The following FLYWCH1 variants were observed in gnomAD, a reference collection of about 807,000 sequenced individuals.
FLYWCH1 encodes the protein FLYWCH-type zinc finger-containing protein 1.
FLYWCH1 carries 75 observed loss-of-function variants against 66.4 expected under a neutral mutation model. The observed-to-expected ratio is 1.13, with a 90% CI of 0.94 to 1.37. The LOEUF is 1.37. FLYWCH1 is among the 40% of genes most tolerant of loss of function. FLYWCH1 has a pLI of 0.00. For synonymous variants in FLYWCH1, 595 were observed against 429.9 expected (o/e 1.38, Z -4.75); for missense variants, 1,334 against 1,001.8 (o/e 1.33, Z -4.48).
intron 9 of FLYWCH1, among the ~76,000 whole-genome samples, chr16:2,940,974 T>TA (rs2071238637): frequency 6.6e-6 from 1 of 152,092 alleles, no homozygotes; most frequent in Non-Finnish European, 1.5e-5. Context: ...CTACTAAAAA[T>TA]ACAAAAATTA....
intron 2 of FLYWCH1, among the ~76,000 whole-genome samples, chr16:2,927,078 G>C (rs1432567291): frequency 1.3e-5 from 2 of 152,200 alleles, no homozygotes; most frequent in Non-Finnish European, 2.9e-5. Context: ...GCTGCCTCCA[G>C]AGGTCCAATA....
chr16:2,936,299 T>A (rs1287018657), intron 6 of FLYWCH1: 1 of 424,700 alleles, frequency 2.4e-6, no homozygotes, highest in Non-Finnish European at 4.7e-6. Context: ...GTCCCCACCT[T>A]CGTCCTGACC....
chr16:2,914,411 T>G (rs989357416), intron 2 of FLYWCH1, 122 bp downstream of exon 2: 2 of 152,228 alleles, frequency 1.3e-5, no homozygotes, highest in Non-Finnish European at 2.9e-5. Context: ...GACCCTTAGG[T>G]CTACGCTGAG....
chr16:2,930,852 G>T lies in FLYWCH1; in HGVS notation c.768G>T (p.Pro256=), dbSNP rs780502364. ...APRALSLLSL[P]PKKRSILGLG... The stretch of plus-strand genomic sequence containing the variant: ...GAGCCCTGTCACTGCTGAGCCTGCC[G>T]CCCAAGAAGCGCTCGATCCTGGGGC... The change falls in exon 4 of 10, where the codon CCG becomes CCT. Residue 256 remains proline (P), a synonymous_variant. Coordinates refer to ENST00000253928, the MANE Select transcript of FLYWCH1 (RefSeq NM_001308068.2). 1 of 1,600,692 alleles carries T rather than the reference G, an allele frequency of 6.2e-7. No individual in the cohort carries two copies. Among genetic ancestry groups the T allele is most frequent in the Non-Finnish European group, 8.5e-7 (1 of 1,177,360 alleles).
intron 2 of FLYWCH1, among the ~76,000 whole-genome samples, chr16:2,925,113 G>C (rs1469271492): frequency 6.6e-6 from 1 of 152,236 alleles, no homozygotes; most frequent in African/African-American, 2.4e-5. Flanking sequence ...CAGTGTGCGA[G>C]TCACTGTGCC....
rs201356969 is a variant in FLYWCH1 at position 2,930,746 on chromosome 16, C to G, written c.662C>G (p.Pro221Arg). The G allele has an allele frequency of 1.3e-6, 2 of 1,560,474 alleles. No individual in the cohort carries two copies. Among genetic ancestry groups the G allele is most frequent in the Non-Finnish European group, 1.7e-6 (2 of 1,157,900 alleles). Reference sequence around the variant, plus strand: ...GAGGAGCCCCTGGAGGGGGTGGGCCCGTGGCAGTGCCCTGAGGAGCCCGAG... The same window carrying G: ...GAGGAGCCCCTGGAGGGGGTGGGCCGGTGGCAGTGCCCTGAGGAGCCCGAG... ...RVEEPLEGVG[P>R]WQCPEEPEPT... Residue 221 changes from proline to arginine, a missense_variant, in exon 4 of 10, where the codon CCG becomes CGG. Pro to Arg is a moderately radical substitution (Grantham distance 103, BLOSUM62 -2). Coordinates refer to ENST00000253928, the MANE Select transcript of FLYWCH1 (RefSeq NM_001308068.2).
At chr16:2,929,529 C>T (rs1244542157) in intron 2 of FLYWCH1, 84 bp from the exon 3 acceptor site, 3 of 942,402 alleles carry the variant, frequency 3.2e-6, no homozygotes, top group East Asian at 2.6e-5. Flanking sequence ...GAGGCAGCCC[C>T]ATCTGCCCCA....
intron 4 of FLYWCH1, among the ~76,000 whole-genome samples, chr16:2,932,772 C>A (rs971733658): frequency 1.3e-5 from 2 of 152,082 alleles, no homozygotes; most frequent in African/African-American, 4.8e-5. Context: ...GAGTCTGAGT[C>A]CAGGTTGGCC....
intron 2 of FLYWCH1, chr16:2,923,092 G>C: frequency 2.4e-6 from 1 of 417,148 alleles, no homozygotes; most frequent in Non-Finnish European, 4.6e-6. Context: ...AGTTTGTTTT[G>C]TGTGTGTGGC....
rs1250979349 is a variant in FLYWCH1 at position 2,949,443 on chromosome 16, G to A, written c.*716G>A. ...CCAGGGGTCAGCAGGAGCCAGCGCT[G>A]GGCACACGTGCCCTGGCTGAGGCCA... On this transcript the variant is annotated 3_prime_UTR_variant, in exon 10 of 10. Transcript: ENST00000253928. The A allele has an allele frequency of 6.6e-6, 1 of 152,316 alleles. No homozygotes were observed. Among genetic ancestry groups the A allele is most frequent in the Non-Finnish European group, 1.5e-5 (1 of 68,194 alleles). 9.4% of individuals were successfully genotyped at this position (152,316 alleles called of 1,614,324 possible).
chr16:2,942,040 GAAAT>G (rs895747174), intron 9 of FLYWCH1, among the ~76,000 whole-genome samples: 1 of 142,530 alleles, frequency 7.0e-6, no homozygotes, highest in Non-Finnish European at 1.5e-5. Context: ...CAGAAGGAAG[GAAAT>G]AAATAATAAA....
At chr16:2,925,659 G>C (rs1029020323) in intron 2 of FLYWCH1, among the ~76,000 whole-genome samples, 1 of 152,012 alleles carries the variant, frequency 6.6e-6, no homozygotes, top group African/African-American at 2.4e-5. Context: ...GAAGTCAGCT[G>C]GGGTTGCCCC....
At chr16:2,919,996 A>G (rs1021283497) in intron 2 of FLYWCH1, among the ~76,000 whole-genome samples, 5 of 152,170 alleles carry the variant, frequency 3.3e-5, no homozygotes, top group African/African-American at 1.2e-4. Flanking sequence ...AGTAGCAGAC[A>G]TGATTGAACG....
chr16:2,938,277 G>C lies in FLYWCH1; in HGVS notation c.1871G>C (p.Gly624Ala), dbSNP rs1018752759. ...CTCTACAGGAAGGAGAAGGCGGCTG[G>C]GGAGAAGGTGTACTGGATGTGCCGG... ...SFLYRKEKAA[G>A]EKVYWMCRDQ... The change falls in exon 8 of 10, where the codon GGG becomes GCG. Residue 624 changes from glycine (G) to alanine (A), a missense_variant. Physicochemically the swap from Gly to Ala is moderately conservative, Grantham distance 60. Coordinates refer to ENST00000253928, the MANE Select transcript of FLYWCH1 (RefSeq NM_001308068.2). 1 of 1,612,894 alleles carries C rather than the reference G, an allele frequency of 6.2e-7. No individual in the cohort carries two copies. Among genetic ancestry groups the C allele is most frequent in the East Asian group, 2.2e-5 (1 of 44,864 alleles).
Position 2,930,447 on chromosome 16 carries a change from C to G in FLYWCH1, c.363C>G (p.Phe121Leu). ...PQSLEFLRTP[F>L]GGRLLVLESF... ...CCCTGGAGTTCCTGAGGACACCATT[C>G]GGGGGCCGCCTCCTGGTGCTGGAGT... Residue 121 changes from phenylalanine to leucine, a missense_variant, in exon 4 of 10, where the codon TTC (phenylalanine) becomes TTG (leucine). Physicochemically the swap from Phe to Leu is conservative, Grantham distance 22. Coordinates refer to ENST00000253928, the MANE Select transcript of FLYWCH1 (RefSeq NM_001308068.2). The G allele has an allele frequency of 6.7e-7, 1 of 1,490,884 alleles. No homozygotes were observed. Among genetic ancestry groups the G allele is most frequent in the Non-Finnish European group, 8.9e-7 (1 of 1,122,104 alleles). The allele number at this position is 1,490,884 out of a possible 1,614,324, so 92.4% of individuals were successfully genotyped here. A position where few individuals can be genotyped will look rare whatever the true frequency, so the allele number is the denominator to read the frequency against.
chr16:2,930,822 A>T lies in FLYWCH1; in HGVS notation c.738A>T (p.Ala246=). ...LSKPALEEEE[A]PRALSLLSLP... ...AGCCGGCCCTGGAGGAGGAGGAGGCACCCCGAGCCCTGTCACTGCTGAGCC... is the reference window on the plus strand; with the variant it reads ...AGCCGGCCCTGGAGGAGGAGGAGGCTCCCCGAGCCCTGTCACTGCTGAGCC... The change falls in exon 4 of 10, where the codon GCA becomes GCT. Residue 246 remains alanine, a synonymous_variant. Coordinates refer to ENST00000253928, the MANE Select transcript of FLYWCH1 (RefSeq NM_001308068.2). 6.2e-7 allele frequency: 1 copy of T among 1,601,794 alleles called. No individual in the cohort carries two copies. Among genetic ancestry groups the T allele is most frequent in the Non-Finnish European group, 8.5e-7 (1 of 1,177,770 alleles).
intron 8 of FLYWCH1, among the ~76,000 whole-genome samples, chr16:2,939,304 A>T (rs894438992): frequency 1.3e-5 from 2 of 151,970 alleles, no homozygotes; most frequent in African/African-American, 4.8e-5. Flanking sequence ...AATTAGCTGG[A>T]CATGGTGACG....
intron 2 of FLYWCH1, among the ~76,000 whole-genome samples, chr16:2,917,869 C>A (rs930816655): frequency 1.4e-5 from 2 of 147,706 alleles, no homozygotes; most frequent in African/African-American, 2.5e-5. Flanking sequence ...TGGAGTCTCA[C>A]TGTTGCCCAG....
chr16:2,918,369 G>C (rs916998309), intron 2 of FLYWCH1, among the ~76,000 whole-genome samples: 2 of 151,542 alleles, frequency 1.3e-5, no homozygotes, highest in African/African-American at 4.9e-5. Flanking sequence ...GGATGGTCTC[G>C]ATCTCCTGAC....
Sources: gnomAD v4.1 joint callset for allele counts (sites outside exome capture counted in the v4.1 genomes callset) on GRCh38, gnomAD v4.1.1 for gene constraint, MANE v1.5 for transcripts, NCBI Gene and HGNC (gene_info 2026-07-23, HGNC 2026-07-21) for gene names.